TTC14: variants seen among roughly 807,000 people sequenced by gnomAD.
TTC14 encodes tetratricopeptide repeat protein 14.
TTC14 carries 63 observed loss-of-function variants against 79.9 expected under a neutral mutation model. The ratio of observed to expected loss-of-function variants is 0.79; its 90% CI spans 0.64 to 0.97. The LOEUF is 0.97. Among genes scored for constraint, TTC14 ranks in the 50% least tolerant of loss-of-function variants. The probability of loss-of-function intolerance (pLI) is 0.00; values close to 1 mark genes in which losing one functional copy is unlikely to be tolerated. For synonymous variants in TTC14, 335 were observed against 309.6 expected, an observed-to-expected ratio of 1.08 and a Z score of -0.86; for missense variants, 895 against 894.0, an observed-to-expected ratio of 1.00 and a Z score of -0.01.
At position 180,604,571 on chromosome 3, in the gene TTC14, G is replaced by A. The variant is rs924093819; in HGVS notation, c.665G>A (p.Gly222Asp). The change falls in exon 5 of 12, where the codon GGT becomes GAT. Residue 222 changes from glycine (G) to aspartate (D), a missense_variant. By Grantham distance (94) the Gly-to-Asp change is moderately conservative. Transcript: ENST00000296015. Reference protein sequence around the residue: ...LPPHLSGIKLGVISSEELPLY... With the variant: ...LPPHLSGIKLDVISSEELPLY... ...CCACACCTATCTGGTATTAAATTAG[G>A]TGTAATTAGCTCTGAAGAGCTTCCT... 1 of 1,610,224 alleles carries A rather than the reference G, an allele frequency of 6.2e-7. No homozygotes were observed.
chr3:180,609,776 C>G lies in TTC14; in HGVS notation c.1547C>G (p.Ser516Cys). Residue 516 changes from serine (S) to cysteine (C), a missense_variant, in exon 12 of 12, where the codon TCC becomes TGC. Transcript: ENST00000296015. ...AACCGTTCAGAGTCTTCTCGCAGTT[C>G]CAGAAGGCATTCATCTAGGGCATCC... ...KRNRSESSRS[S>C]RRHSSRASSN... The G allele has an allele frequency of 1.2e-6, 2 of 1,613,868 alleles. No individual in the cohort carries two copies. The highest frequency in any genetic ancestry group is 1.7e-6 in the Non-Finnish European group (2 of 1,179,898).
chr3:180,604,481 G>T lies in TTC14; in HGVS notation c.575G>T (p.Gly192Val), dbSNP rs1716564577. 6.3e-7 allele frequency: 1 copy of T among 1,580,758 alleles called. No homozygotes were observed. Among genetic ancestry groups the T allele is most frequent in the South Asian group, 1.2e-5 (1 of 84,374 alleles). Residue 192 changes from glycine to valine, a missense_variant, in exon 5 of 12, where the codon GGA (glycine) becomes GTA (valine). By Grantham distance (109) the Gly-to-Val change is moderately radical. Coordinates refer to ENST00000296015, the MANE Select transcript of TTC14 (RefSeq NM_133462.4). ...YYQTGDIIRA[G>V]IKDIDRYHEK... The stretch of plus-strand genomic sequence containing the variant: ...TTCTCTTTTTTTTTTTCTTAAGCTG[G>T]AATCAAGGATATTGACAGATACCAT...
chr3:180,615,965 G>A (rs1483384007), downstream of TTC14, among the ~76,000 whole-genome samples: 1 of 152,242 alleles, frequency 6.6e-6, no homozygotes, highest in African/African-American at 2.4e-5. Flanking sequence ...CCAACTTGGG[G>A]GTTCACCCCC....
Position 180,609,918 on chromosome 3 carries a change from G to A in TTC14, c.1689G>A (p.Arg563=). The part of the protein sequence containing the change: ...EVEKLLGKQD[R]LQYEKTQIKE... Reference sequence around the variant, plus strand: ...AGAAACTACTGGGGAAGCAGGATAGGTTACAGTATGAAAAGACACAGATAA... The same window carrying A: ...AGAAACTACTGGGGAAGCAGGATAGATTACAGTATGAAAAGACACAGATAA... Residue 563 remains arginine, a synonymous_variant, in exon 12 of 12, where the codon AGG becomes AGA. Transcript: ENST00000296015. 1 of 1,614,002 alleles carries A rather than the reference G, an allele frequency of 6.2e-7. No individual in the cohort carries two copies.
At chr3:180,613,414 A>G (rs1471275273), downstream of TTC14, among the ~76,000 whole-genome samples, 1 of 152,192 alleles carries the variant, frequency 6.6e-6, no homozygotes, top group Non-Finnish European at 1.5e-5. Flanking sequence ...TTAAATGTAG[A>G]TTCGTATGCT....
intron 12 of TTC14, chr3:180,616,577 AAC>A (rs758117394): frequency 6.2e-7 from 1 of 1,602,060 alleles, no homozygotes; most frequent in East Asian, 2.2e-5. Context: ...GATATCAACT[AAC>A]ATTTCATCAA....
chr3:180,602,375 C>T lies in TTC14; in HGVS notation c.114C>T (p.Ala38=). Residue 38 remains alanine, a synonymous_variant, in exon 1 of 12, where the codon GCC becomes GCT. Coordinates refer to ENST00000296015, the MANE Select transcript of TTC14 (RefSeq NM_133462.4). ...NPHFRSLLGS[A]AEPARGPPPQ... ...ACTTCCGTAGCCTCCTGGGGTCGGC[C>T]GCCGAGCCAGCCCGGGGCCCGCCGC... is the stretch of plus-strand genomic sequence containing the variant. 6.2e-7 allele frequency: 1 copy of T among 1,611,012 alleles called. No homozygotes were observed. Among genetic ancestry groups the T allele is most frequent in the South Asian group, 1.1e-5 (1 of 91,004 alleles).
At chr3:180,614,171 G>GT (rs1717127925), downstream of TTC14, 1 of 166,420 alleles carries the variant, frequency 6.0e-6, no homozygotes, top group South Asian at 1.4e-4. Context: ...TGCAAATCAA[G>GT]TCATACCTAG....
Position 180,610,484 on chromosome 3 carries a change from ATATATT to A in TTC14, c.2258_2263del (p.Ile753_Phe754del). ...AAAAATTTACCTCAGAATTTACTGA[ATATATT>A]TAATCAGATAGCTGAATTTGAAAAA... On this transcript the variant is annotated inframe_deletion, in exon 12 of 12. Coordinates refer to ENST00000296015, the MANE Select transcript of TTC14 (RefSeq NM_133462.4). 6.3e-7 allele frequency: 1 copy of A among 1,599,470 alleles called. No individual in the cohort carries two copies. Among genetic ancestry groups the A allele is most frequent in the Non-Finnish European group, 8.5e-7 (1 of 1,176,352 alleles).
At chr3:180,605,143 G>A in intron 6 of TTC14, 136 bp downstream of exon 6, 2 of 741,730 alleles carry the variant, frequency 2.7e-6, no homozygotes, top group African/African-American at 1.8e-5. Flanking sequence ...AATGAACCAG[G>A]TGATCCCATC....
In TTC14 at chr3:180,603,133, CA is replaced by C; in HGVS notation, c.298del (p.Ile100SerfsTer5). The C allele has an allele frequency of 4.3e-6, 7 of 1,612,420 alleles. No homozygotes were observed. Among genetic ancestry groups the C allele is most frequent in the Non-Finnish European group, 5.9e-6 (7 of 1,179,620 alleles). On this transcript the variant is annotated frameshift_variant, in exon 3 of 12. Coordinates refer to ENST00000296015, the MANE Select transcript of TTC14 (RefSeq NM_133462.4). LOFTEE classifies it high-confidence loss of function. ...EINEDSEDHYAIMPPLEQFME... is the reference protein window; with the variant it reads ...EINEDSEDHYXIMPPLEQFME... ...AATTTTTTTTTTTTAGATCATTATG[CA>C]ATCATGCCACCTTTAGAGCAATTCA...
chr3:180,610,610 A>G lies in TTC14; in HGVS notation c.*68A>G. On this transcript the variant is annotated 3_prime_UTR_variant, in exon 12 of 12. Coordinates refer to ENST00000296015, the MANE Select transcript of TTC14 (RefSeq NM_133462.4). Reference sequence around the variant, plus strand: ...TGAAGTTTTTGGTTGTATTAGTCATAACAGTTGAGTGCAGAAATCTCTGCT... The same window carrying G: ...TGAAGTTTTTGGTTGTATTAGTCATGACAGTTGAGTGCAGAAATCTCTGCT... 2.7e-6 allele frequency: 4 copies of G among 1,498,962 alleles called. No homozygotes were observed. The highest frequency in any genetic ancestry group is 2.7e-6 in the Non-Finnish European group (3 of 1,130,200). The allele number at this position is 1,498,962 out of a possible 1,614,324, so 92.9% of individuals were successfully genotyped here. A position where few individuals can be genotyped will look rare whatever the true frequency, so the allele number is the denominator to read the frequency against.
intron 2 of TTC14, 49 bp downstream of exon 2, chr3:180,603,064 C>T (rs1345546524): frequency 2.5e-6 from 4 of 1,610,818 alleles, no homozygotes; most frequent in South Asian, 1.1e-5. Flanking sequence ...TTTAACAGTA[C>T]TTCAGGTGAA....
downstream of TTC14, chr3:180,615,051 G>C: frequency 6.5e-7 from 1 of 1,549,966 alleles, no homozygotes; most frequent in East Asian, 2.4e-5. Flanking sequence ...AGACTGAGAA[G>C]TAGATGTACT....
At chr3:180,606,882 G>A (rs75235030) in intron 9 of TTC14, among the ~76,000 whole-genome samples, 2,313 of 152,174 alleles carry the variant, frequency 0.015, 30 homozygotes, top group Non-Finnish European at 0.023. Flanking sequence ...ATAATTTATA[G>A]GAACTTCTAT....
At position 180,606,523 on chromosome 3, in the gene TTC14, T is replaced by C. The variant is rs1047544729; in HGVS notation, c.1092T>C (p.Phe364=). 8 of 1,613,884 alleles carry C rather than the reference T, an allele frequency of 5.0e-6. No homozygotes were observed. The African/African-American group carries it at 1.1e-4, about 22-fold the overall frequency. Residue 364 remains phenylalanine, a synonymous_variant, in exon 9 of 12, where the codon TTT becomes TTC. Coordinates refer to ENST00000296015, the MANE Select transcript of TTC14 (RefSeq NM_133462.4). Reference sequence around the variant, plus strand: ...GTTTGAACAAAGCAATAGAAGATTTTGAGCTTGCATTAGAAAACTGTCCAA... The same window carrying C: ...GTTTGAACAAAGCAATAGAAGATTTCGAGCTTGCATTAGAAAACTGTCCAA... ...KGSLNKAIED[F]ELALENCPTH...
chr3:180,607,575 C>G (rs1269845916), intron 9 of TTC14, 73 bp from the exon 10 acceptor site: 5 of 1,516,626 alleles, frequency 3.3e-6, no homozygotes, highest in Non-Finnish European at 4.4e-6. Context: ...CTCATATAAG[C>G]CTTTGACCTG....
chr3:180,608,957 C>G, intron 11 of TTC14, 147 bp downstream of exon 11: 1 of 1,198,758 alleles, frequency 8.3e-7, no homozygotes. Context: ...AATATGTGTT[C>G]CATGTATTTT....
downstream of TTC14, chr3:180,613,679 A>G (rs1001944250): frequency 5.8e-6 from 2 of 343,956 alleles, no homozygotes; most frequent in Non-Finnish European, 1.1e-5. Flanking sequence ...TATTACTTCA[A>G]GTTTTAAGTA....
Sources: gnomAD v4.1 joint callset for allele counts (sites outside exome capture counted in the v4.1 genomes callset) on GRCh38, gnomAD v4.1.1 for gene constraint, MANE v1.5 for transcripts, NCBI Gene and HGNC (gene_info 2026-07-23, HGNC 2026-07-21) for gene names.